HSD17B3: variants seen among roughly 807,000 people sequenced by gnomAD.
HSD17B3 encodes hydroxysteroid 17-beta dehydrogenase 3.
A neutral mutation model predicts 41.1 loss-of-function variants in HSD17B3; 29 were observed. That is an observed-to-expected ratio of 0.71 (90% CI 0.53 to 0.96). The LOEUF (loss-of-function observed/expected upper bound fraction) is 0.96, where lower values mean the gene tolerates loss of function less well. Ranked by LOEUF, HSD17B3 falls within the 40% of genes least tolerant of loss-of-function variation. HSD17B3 has a pLI of 0.00. For missense variants in HSD17B3, 323 were observed against 374.6 expected, an observed-to-expected ratio of 0.86 and a Z score of 1.14; for synonymous variants, 126 against 145.6, an observed-to-expected ratio of 0.87 and a Z score of 0.97.
intron 2 of HSD17B3, among the ~76,000 whole-genome samples, chr9:96,261,966 G>A (rs1825877231): frequency 6.6e-6 from 1 of 152,194 alleles, no homozygotes; most frequent in Non-Finnish European, 1.5e-5. Context: ...GACTGGCACT[G>A]TAACTACGAA....
At chr9:96,284,032 A>G (rs1826808894) in intron 2 of HSD17B3, among the ~76,000 whole-genome samples, 1 of 152,032 alleles carries the variant, frequency 6.6e-6, no homozygotes, top group African/African-American at 2.4e-5. Context: ...AGCCTGGCCA[A>G]TATGGTGAAA....
At chr9:96,247,016 AC>A (rs1836693762) in intron 6 of HSD17B3, among the ~76,000 whole-genome samples, 1 of 152,140 alleles carries the variant, frequency 6.6e-6, no homozygotes, top group Non-Finnish European at 1.5e-5. Flanking sequence ...AGAGAGAAGG[AC>A]ACCTCTTTGA....
chr9:96,264,522 G>T (rs1825981588), intron 2 of HSD17B3, among the ~76,000 whole-genome samples: 1 of 152,064 alleles, frequency 6.6e-6, no homozygotes, highest in Non-Finnish European at 1.5e-5. Flanking sequence ...TTGTTGCTGG[G>T]TTGGTTGGTT....
intron 2 of HSD17B3, among the ~76,000 whole-genome samples, chr9:96,263,799 G>GTTGCAAAGA (rs1825949675): frequency 6.6e-6 from 1 of 151,996 alleles, no homozygotes; most frequent in South Asian, 2.1e-4. Context: ...TGAGGTGGGG[G>GTTGCAAAGA]TTATTGCAAA....
chr9:96,260,322 G>C (rs1452883493), intron 2 of HSD17B3, among the ~76,000 whole-genome samples: 1 of 152,184 alleles, frequency 6.6e-6, no homozygotes, highest in Non-Finnish European at 1.5e-5. Context: ...GAGCTTCCCA[G>C]TTTTAAAACT....
At chr9:96,263,924 A>G (rs1825953736) in intron 2 of HSD17B3, among the ~76,000 whole-genome samples, 1 of 152,188 alleles carries the variant, frequency 6.6e-6, no homozygotes, top group Admixed American at 6.5e-5. Context: ...TATTAACTAT[A>G]GATATACAAC....
intron 2 of HSD17B3, among the ~76,000 whole-genome samples, chr9:96,259,781 T>C (rs1357287944): frequency 6.6e-6 from 1 of 152,144 alleles, no homozygotes; most frequent in East Asian, 1.9e-4. Context: ...TCAATTGTGT[T>C]ACTTATTTTT....
intron 2 of HSD17B3, among the ~76,000 whole-genome samples, chr9:96,256,731 A>G (rs1199116895): frequency 6.6e-6 from 1 of 151,958 alleles, no homozygotes; most frequent in Non-Finnish European, 1.5e-5. Context: ...ATTGTGGTCT[A>G]TAATATATAG....
rs367647162 is a variant in HSD17B3, at chr9:96,298,653, G to T, written c.155-191C>A. Among the ~76,000 whole-genome samples, 5 of 152,140 alleles carry T rather than the reference G, an allele frequency of 3.3e-5. No homozygotes were observed. The South Asian group carries it at 1.0e-3, about 32-fold the overall frequency. On this transcript the variant is annotated intron_variant, in intron 1 of 10. Transcript: ENST00000375263. ...GGTGAAAGGATTGTTTGGTTGGTGG[G>T]TGGGTTGGTTGGTTGGTTGGTTTGT...
At chr9:96,283,690 G>A (rs1229764509) in intron 2 of HSD17B3, among the ~76,000 whole-genome samples, 2 of 151,850 alleles carry the variant, frequency 1.3e-5, no homozygotes, top group African/African-American at 4.8e-5. Flanking sequence ...TTTTTACTGT[G>A]GCTGTCCTAA....
chr9:96,290,263 A>G (rs188424686), intron 2 of HSD17B3, among the ~76,000 whole-genome samples: 42 of 152,186 alleles, frequency 2.8e-4, no homozygotes, highest in African/African-American at 1.0e-3. Flanking sequence ...GTAAACGCAG[A>G]TTCGGTTAAA....
intron 2 of HSD17B3, among the ~76,000 whole-genome samples, chr9:96,277,034 T>C (rs1443325362): frequency 6.6e-6 from 1 of 152,038 alleles, no homozygotes; most frequent in Non-Finnish European, 1.5e-5. Flanking sequence ...ACCCTGTCTC[T>C]ACTAAAAAGA....
intron 2 of HSD17B3, among the ~76,000 whole-genome samples, chr9:96,275,101 A>G (rs1419286308): frequency 6.6e-6 from 1 of 152,146 alleles, no homozygotes; most frequent in Non-Finnish European, 1.5e-5. Context: ...AGGAAAAAAA[A>G]AAGCTGTCGA....
At chr9:96,301,315 ACGCCTGT>A (rs1827590788) in intron 1 of HSD17B3, among the ~76,000 whole-genome samples, 1 of 151,660 alleles carries the variant, frequency 6.6e-6, no homozygotes, top group African/African-American at 2.4e-5. Context: ...GCGGTGGCTC[ACGCCTGT>A]CATCCCAGCC....
intron 10 of HSD17B3, among the ~76,000 whole-genome samples, chr9:96,238,594 GGAGGCGGCAGT>G (rs1231154102): frequency 6.6e-6 from 1 of 152,070 alleles, no homozygotes; most frequent in Non-Finnish European, 1.5e-5. Flanking sequence ...CCTGGGAGGT[GGAGGCGGCAGT>G]GAGCCAAGAT....
At chr9:96,280,391 T>C (rs547428312) in intron 2 of HSD17B3, among the ~76,000 whole-genome samples, 3 of 152,350 alleles carry the variant, frequency 2.0e-5, no homozygotes, top group Admixed American at 6.5e-5. Flanking sequence ...AAATTACTTA[T>C]AACATCTGTT....
chr9:96,263,472 C>G (rs1825935269), intron 2 of HSD17B3, among the ~76,000 whole-genome samples: 1 of 151,786 alleles, frequency 6.6e-6, no homozygotes, highest in Non-Finnish European at 1.5e-5. Flanking sequence ...AATCCCAGCA[C>G]TTTGGGAGGC....
At chr9:96,246,479 G>A in intron 7 of HSD17B3, 77 bp downstream of exon 7, 1 of 1,239,826 alleles carries the variant, frequency 8.1e-7, no homozygotes, top group Non-Finnish European at 1.2e-6. Context: ...TGGACTCTGT[G>A]TCCCCAGTCC....
At chr9:96,241,020 C>T in intron 9 of HSD17B3, 113 bp from the exon 10 acceptor site, 1 of 1,294,766 alleles carries the variant, frequency 7.7e-7, no homozygotes, top group East Asian at 2.3e-5. Context: ...TCTTCCTAGG[C>T]AAAGTTTTAA....
Sources: gnomAD v4.1 joint callset for allele counts (sites outside exome capture counted in the v4.1 genomes callset) on GRCh38, gnomAD v4.1.1 for gene constraint, MANE v1.5 for transcripts, NCBI Gene and HGNC (gene_info 2026-07-23, HGNC 2026-07-21) for gene names.